The following LTBP1 variants were observed in gnomAD, a reference collection of about 807,000 sequenced individuals.
LTBP1 encodes latent transforming growth factor beta binding protein 1, also known as latent-transforming growth factor beta-binding protein 1.
Under a neutral mutation model 207.6 loss-of-function variants are expected in LTBP1, and 129 were observed. The ratio of observed to expected loss-of-function variants is 0.62; its 90% confidence interval spans 0.54 to 0.72. The LOEUF (loss-of-function observed/expected upper bound fraction) is 0.72, where lower values mean the gene tolerates loss of function less well. LTBP1 is among the 30% of genes least tolerant of loss of function. The pLI is 0.00. For synonymous variants in LTBP1, 963 were observed against 833.7 expected (o/e 1.16, Z -2.67); for missense variants, 2,281 against 2,217.2 (o/e 1.03, Z -0.58).
Position 33,364,282 on chromosome 2 carries a change from AC to A in LTBP1, c.4467del (p.Tyr1489Ter), listed in dbSNP as rs2094958872. On this transcript the variant is annotated frameshift_variant, in exon 30 of 34. Coordinates refer to ENST00000404816, the MANE Select transcript of LTBP1 (RefSeq NM_206943.4). LOFTEE classifies it high-confidence loss of function. ...CAGTGTGTTAATACAGAGGGCTCTT[AC>A]AACTGCTTCTGTACTCACCCCATGG... ...DGQCVNTEGSYNCFCTHPMVL... is the reference protein window; with the variant it reads ...DGQCVNTEGSXNCFCTHPMVL... The A allele has an allele frequency of 6.2e-7, 1 of 1,613,950 alleles. No homozygotes were observed.
chr2:33,181,007 G>T (rs1192068519), intron 5 of LTBP1, among the ~76,000 whole-genome samples: 1 of 152,130 alleles, frequency 6.6e-6, no homozygotes. Context: ...TGTCTGTTCT[G>T]CAAAAGGACA....
intron 3 of LTBP1, among the ~76,000 whole-genome samples, chr2:33,056,951 C>T (rs1413849796): frequency 3.3e-5 from 5 of 152,066 alleles, no homozygotes; most frequent in South Asian, 2.1e-4. Context: ...CCGATTGGTC[C>T]GTTTTGACAG....
chr2:33,304,738 T>TA (rs1319656313), intron 22 of LTBP1, among the ~76,000 whole-genome samples: 1 of 152,224 alleles, frequency 6.6e-6, no homozygotes, highest in Non-Finnish European at 1.5e-5. Flanking sequence ...TGCAGTCCTT[T>TA]ACAAAGCTGA....
At chr2:33,227,236 A>G (rs1023821719) in intron 9 of LTBP1, among the ~76,000 whole-genome samples, 2 of 152,218 alleles carry the variant, frequency 1.3e-5, no homozygotes, top group East Asian at 3.9e-4. Context: ...CATGTTGGCC[A>G]GGCTGGTCTC....
At chr2:33,020,127 CG>C (rs1009403622) in intron 2 of LTBP1, among the ~76,000 whole-genome samples, 1 of 152,068 alleles carries the variant, frequency 6.6e-6, no homozygotes, top group Non-Finnish European at 1.5e-5. Flanking sequence ...TTATTAAATT[CG>C]GAATGGTGCC....
intron 2 of LTBP1, among the ~76,000 whole-genome samples, chr2:32,967,115 T>C (rs1361347199): frequency 1.3e-5 from 2 of 152,126 alleles, no homozygotes; most frequent in Non-Finnish European, 2.9e-5. Context: ...GGCATAGAAT[T>C]CATAATATTC....
chr2:33,014,727 T>C (rs1357298739), intron 2 of LTBP1, among the ~76,000 whole-genome samples: 3 of 152,204 alleles, frequency 2.0e-5, no homozygotes, highest in Non-Finnish European at 4.4e-5. Flanking sequence ...TCACTGAACT[T>C]TTAAAGAACT....
chr2:33,056,435 C>G, intron 3 of LTBP1: 1 of 977,398 alleles, frequency 1.0e-6, no homozygotes, highest in African/African-American at 1.7e-5. Context: ...TGCCCAGCAG[C>G]TTGTTTAGTT....
intron 2 of LTBP1, among the ~76,000 whole-genome samples, chr2:32,988,823 G>A (rs1683983521): frequency 6.6e-6 from 1 of 152,166 alleles, no homozygotes; most frequent in South Asian, 2.1e-4. Context: ...TTTCTTGATA[G>A]GAATGTAATT....
Position 33,360,663 on chromosome 2 carries a change from C to T in LTBP1, c.4067C>T (p.Ala1356Val). ...KKECYYNLNDASLCDNVLAPN... is the reference protein window; with the variant it reads ...KKECYYNLNDVSLCDNVLAPN... ...GAATGCTACTATAATCTCAATGACG[C>T]CAGTCTCTGTGATAATGTGTTGGCC... The change falls in exon 27 of 34, where the codon GCC becomes GTC. Residue 1356 changes from alanine to valine, a missense_variant. Coordinates refer to ENST00000404816, the MANE Select transcript of LTBP1 (RefSeq NM_206943.4). 6.2e-7 allele frequency: 1 copy of T among 1,613,616 alleles called. No individual in the cohort carries two copies. Among genetic ancestry groups the T allele is most frequent in the Non-Finnish European group, 8.5e-7 (1 of 1,179,504 alleles).
chr2:33,144,531 A>G (rs2082870069), intron 5 of LTBP1, among the ~76,000 whole-genome samples: 1 of 152,196 alleles, frequency 6.6e-6, no homozygotes, highest in African/African-American at 2.4e-5. Context: ...TCAGGAGGAA[A>G]AGTAATCATC....
chr2:33,398,496 C>T lies in LTBP1; in HGVS notation c.5117C>T (p.Thr1706Ile). The T allele has an allele frequency of 1.2e-6, 2 of 1,614,216 alleles. No homozygotes were observed. The highest frequency in any genetic ancestry group is 1.1e-5 in the South Asian group (1 of 91,080). Reference sequence around the variant, plus strand: ...CCTTCTGACAAGCCAAACTACTGCACTCCGTTGAATACCGCCTTGAATTTA... The same window carrying T: ...CCTTCTGACAAGCCAAACTACTGCATTCCGTTGAATACCGCCTTGAATTTA... ...YVPSDKPNYC[T>I]PLNTALNLEK... Residue 1706 changes from threonine (T) to isoleucine (I), a missense_variant, in exon 34 of 34, where the codon ACT (threonine) becomes ATT (isoleucine). Thr to Ile is a moderately conservative substitution (Grantham distance 89, BLOSUM62 -1). Transcript: ENST00000404816.
intron 31 of LTBP1, among the ~76,000 whole-genome samples, chr2:33,380,119 G>A (rs984282138): frequency 2.0e-5 from 3 of 152,086 alleles, no homozygotes; most frequent in African/African-American, 4.8e-5. Context: ...AGATGTCCAC[G>A]CTTACAGTTT....
rs765415549 is a variant in LTBP1, at chr2:33,398,509, C to T, written c.5130C>T (p.Thr1710=). Residue 1710 remains threonine, a synonymous_variant, in exon 34 of 34, where the codon ACC becomes ACT. Coordinates refer to ENST00000404816, the MANE Select transcript of LTBP1 (RefSeq NM_206943.4). ...CAAACTACTGCACTCCGTTGAATAC[C>T]GCCTTGAATTTAGAGAAAGACAGTG... ...DKPNYCTPLN[T]ALNLEKDSDL... 16 of 1,613,986 alleles carry T rather than the reference C, an allele frequency of 9.9e-6. No individual in the cohort carries two copies. Among genetic ancestry groups the T allele is most frequent in the South Asian group, 4.4e-5 (4 of 91,074 alleles).
Position 33,081,962 on chromosome 2 carries a change from C to T in LTBP1, c.864-28620C>T, listed in dbSNP as rs111686672. The stretch of plus-strand genomic sequence containing the variant: ...GTTTCCTGAGGCCTCCCCAGCCATG[C>T]GGAACTTGAGTCAATTAAACTTTTT... On this transcript the variant is annotated intron_variant, in intron 3 of 33. Transcript: ENST00000404816. Among the ~76,000 whole-genome samples the T allele has an allele frequency of 8.4e-3, 1,273 of 152,248 alleles. 27 individuals carry two copies. The highest frequency in any genetic ancestry group is 0.028 in the African/African-American group (1,172 of 41,550).
At chr2:33,364,033 C>A (rs1485561210) in intron 29 of LTBP1, among the ~76,000 whole-genome samples, 183 bp from the exon 30 acceptor site, 1 of 152,154 alleles carries the variant, frequency 6.6e-6, no homozygotes, top group Non-Finnish European at 1.5e-5. Flanking sequence ...TGTTGTTTTT[C>A]AGTCAGAGCA....
At chr2:33,270,451 G>A (rs575728272) in intron 15 of LTBP1, among the ~76,000 whole-genome samples, 18 of 151,770 alleles carry the variant, frequency 1.2e-4, no homozygotes, top group Admixed American at 4.6e-4. Context: ...TTAGCCGGGC[G>A]TGGTGGCGGG....
Position 33,153,558 on chromosome 2 carries a change from T to C in LTBP1, c.1201+18598T>C, listed in dbSNP as rs73924181. On this transcript the variant is annotated intron_variant, in intron 5 of 33. Coordinates refer to ENST00000404816, the MANE Select transcript of LTBP1 (RefSeq NM_206943.4). ...AATGATAACAAATGGATCATTCACA[T>C]TAAAAATCTGAGCCGCGAAGGATCT... Among the ~76,000 whole-genome samples, 1,436 of 152,242 alleles carry C rather than the reference T, an allele frequency of 9.4e-3. 24 individuals are homozygous for C. Among genetic ancestry groups the C allele is most frequent in the African/African-American group, 0.033 (1,362 of 41,536 alleles).
chr2:33,148,497 A>G (rs1342044892), intron 5 of LTBP1, among the ~76,000 whole-genome samples: 1 of 152,226 alleles, frequency 6.6e-6, no homozygotes, highest in Non-Finnish European at 1.5e-5. Context: ...AGATGAATTC[A>G]TTCACTGGTA....
Sources: gnomAD v4.1 joint callset for allele counts (sites outside exome capture counted in the v4.1 genomes callset) on GRCh38, gnomAD v4.1.1 for gene constraint, MANE v1.5 for transcripts, NCBI Gene and HGNC (gene_info 2026-07-23, HGNC 2026-07-21) for gene names.